Variants in GPC1 observed in about 807,000 individuals in gnomAD.
The protein encoded by GPC1 is glypican 1, also known as glypican-1.
Under a neutral mutation model 51.5 loss-of-function variants are expected in GPC1, and 26 were observed. The ratio of observed to expected loss-of-function variants is 0.50; its 90% confidence interval spans 0.37 to 0.70. The LOEUF (loss-of-function observed/expected upper bound fraction) is 0.70. Ranked by LOEUF, GPC1 falls within the 30% of genes least tolerant of loss-of-function variation. The probability of loss-of-function intolerance (pLI) is 0.00; values close to 1 mark genes in which losing one functional copy is unlikely to be tolerated. For synonymous variants in GPC1, 380 were observed against 348.3 expected, an observed-to-expected ratio of 1.09 and a Z score of -1.01; for missense variants, 775 against 800.5, an observed-to-expected ratio of 0.97 and a Z score of 0.38.
In GPC1 at chr2:240,450,091, T is replaced by C. The variant is rs2074083825; in HGVS notation, c.167-8939T>C. ...CATACTGTACTAAAATAACAATTCATTGTTTATCTGAAATTCAGATGTAAC... is the reference window on the plus strand; with the variant it reads ...CATACTGTACTAAAATAACAATTCACTGTTTATCTGAAATTCAGATGTAAC... On this transcript the variant is annotated intron_variant, in intron 1 of 8. Coordinates refer to ENST00000264039, the MANE Select transcript of GPC1 (RefSeq NM_002081.3). 1.2e-5 allele frequency: 4 copies of C among 339,254 alleles called. No individual in the cohort carries two copies. In the Admixed American group the frequency reaches 1.6e-4, roughly 14 times the overall value. 21.0% of individuals were successfully genotyped at this position (339,254 alleles called of 1,614,324 possible).
chr2:240,455,328 A>T (rs756184905), intron 1 of GPC1, among the ~76,000 whole-genome samples: 1 of 152,204 alleles, frequency 6.6e-6, no homozygotes, highest in Admixed American at 6.5e-5. Context: ...TGGGTCGGCT[A>T]CAGCAACTTC....
rs142553670 is a variant in GPC1 at position 240,441,733 on chromosome 2, C to T, written c.166+5649C>T. ...ACAGGCCTGGGCAGGTGCCCTGAGCCGCTTGAAGTCTCCTGACGGGGTGGG... is the reference window on the plus strand; with the variant it reads ...ACAGGCCTGGGCAGGTGCCCTGAGCTGCTTGAAGTCTCCTGACGGGGTGGG... On this transcript the variant is annotated intron_variant, in intron 1 of 8. Coordinates refer to ENST00000264039, the MANE Select transcript of GPC1 (RefSeq NM_002081.3). 8.6e-4 allele frequency among the ~76,000 whole-genome samples: 131 copies of T among 152,282 alleles called. 1 individual carries two copies. Among genetic ancestry groups the T allele is most frequent in the African/African-American group, 2.8e-3 (117 of 41,560 alleles).
chr2:240,439,735 C>T (rs1242415663), intron 1 of GPC1, among the ~76,000 whole-genome samples: 1 of 152,204 alleles, frequency 6.6e-6, no homozygotes, highest in East Asian at 1.9e-4. Flanking sequence ...TCGGAGGCTG[C>T]CTGGCACACA....
intron 4 of GPC1, chr2:240,464,147 T>C (rs554431481): frequency 4.6e-6 from 1 of 216,258 alleles, no homozygotes; most frequent in Admixed American, 5.1e-5. Context: ...ACAAAATGCA[T>C]GAGCTTTACT....
chr2:240,446,907 T>C (rs2074054063), intron 1 of GPC1, among the ~76,000 whole-genome samples: 1 of 152,118 alleles, frequency 6.6e-6, no homozygotes, highest in South Asian at 2.1e-4. Context: ...AGGGGAGCAG[T>C]GGAGCTGCAC....
At chr2:240,465,447 C>T in intron 7 of GPC1, 26 bp from the exon 8 acceptor site, 1 of 1,609,602 alleles carries the variant, frequency 6.2e-7, no homozygotes, top group Non-Finnish European at 8.5e-7. Flanking sequence ...GAGCAGTGAC[C>T]TGGGCTCTGC....
intron 1 of GPC1, chr2:240,452,772 C>A (rs1222709988): frequency 6.7e-6 from 1 of 149,088 alleles, no homozygotes; most frequent in Admixed American, 6.7e-5. Context: ...TGCGGGAGGA[C>A]GCTCGTCCCC....
chr2:240,465,037 C>T (rs949256501), intron 6 of GPC1, 40 bp from the exon 7 acceptor site: 28 of 1,578,358 alleles, frequency 1.8e-5, no homozygotes, highest in East Asian at 1.4e-4. Context: ...CAGAGGCGGG[C>T]GGGCCCTGGC....
rs555804305 is a variant in GPC1 at position 240,447,030 on chromosome 2, G to A, written c.166+10946G>A. On this transcript the variant is annotated intron_variant, in intron 1 of 8. Transcript: ENST00000264039. ...GTTGGGAGCCCAGCCTGGCATGGCCGAACCCCTGGCGTCTGGCACCCAGGG... is the reference window on the plus strand; with the variant it reads ...GTTGGGAGCCCAGCCTGGCATGGCCAAACCCCTGGCGTCTGGCACCCAGGG... Among the ~76,000 whole-genome samples the A allele has an allele frequency of 8.5e-5, 13 of 152,282 alleles. No individual in the cohort carries two copies. The East Asian group carries it at 9.7e-4, about 11-fold the overall frequency.
intron 2 of GPC1, among the ~76,000 whole-genome samples, chr2:240,460,565 T>C (rs1448497111): frequency 1.3e-5 from 2 of 152,122 alleles, no homozygotes; most frequent in Non-Finnish European, 2.9e-5. Context: ...GCCTGCTTCC[T>C]CCTGGCTCTT....
intron 1 of GPC1, among the ~76,000 whole-genome samples, chr2:240,445,883 G>C (rs368031971): frequency 4.1e-4 from 63 of 152,272 alleles, no homozygotes; most frequent in African/African-American, 1.4e-3. Context: ...GGCCCGTTGC[G>C]GCTCCTGTGA....
At chr2:240,459,776 C>G (rs1559201263) in intron 2 of GPC1, among the ~76,000 whole-genome samples, 1 of 152,166 alleles carries the variant, frequency 6.6e-6, no homozygotes, top group Non-Finnish European at 1.5e-5. Flanking sequence ...ACTCCTCGGC[C>G]CAGGCTGGGC....
chr2:240,441,281 A>G (rs1229781484), intron 1 of GPC1, among the ~76,000 whole-genome samples: 1 of 152,240 alleles, frequency 6.6e-6, no homozygotes, highest in African/African-American at 2.4e-5. Context: ...TGTGCATGGC[A>G]CAGGTGTCAG....
chr2:240,463,403 C>T lies in GPC1; in HGVS notation c.774C>T (p.His258=), dbSNP rs559097315. Residue 258 remains histidine, a synonymous_variant, in exon 4 of 9, where the codon CAC becomes CAT. Transcript: ENST00000264039. The part of the protein sequence containing the change: ...RAVMKLVYCA[H]CLGVPGARPC... ...TCATGAAGCTGGTCTACTGTGCTCA[C>T]TGCCTGGGAGTCCCCGGCGCCAGGC... The T allele has an allele frequency of 2.5e-6, 4 of 1,612,834 alleles. No individual in the cohort carries two copies. In the African/African-American group the frequency reaches 4.0e-5, roughly 16 times the overall value.
Position 240,467,371 on chromosome 2 carries a change from A to C in GPC1, c.*1081A>C, listed in dbSNP as rs1559205403. On this transcript the variant is annotated 3_prime_UTR_variant, in exon 9 of 9. Coordinates refer to ENST00000264039, the MANE Select transcript of GPC1 (RefSeq NM_002081.3). Reference sequence around the variant, plus strand: ...TAAGGGCTTTTCCAAACATGCATCCATTTACTGACACTTCCTGTCCTTGTT... The same window carrying C: ...TAAGGGCTTTTCCAAACATGCATCCCTTTACTGACACTTCCTGTCCTTGTT... 6.6e-6 allele frequency: 1 copy of C among 152,244 alleles called. No homozygotes were observed. The highest frequency in any genetic ancestry group is 1.5e-5 in the Non-Finnish European group (1 of 68,054). 9.4% of individuals were successfully genotyped at this position (152,244 alleles called of 1,614,324 possible). A position where few individuals can be genotyped will look rare whatever the true frequency, so the allele number is the denominator to read the frequency against.
At position 240,466,477 on chromosome 2, in the gene GPC1, T is replaced by C. The variant is rs1037679692; in HGVS notation, c.*187T>C. ...CCTCGCCTGCCTTTCTGCCTTTTAA[T>C]TTTGTATGAGGTCCTCAGGTCAGCT... On this transcript the variant is annotated 3_prime_UTR_variant, in exon 9 of 9. Coordinates refer to ENST00000264039, the MANE Select transcript of GPC1 (RefSeq NM_002081.3). 1 of 581,812 alleles carries C rather than the reference T, an allele frequency of 1.7e-6. No homozygotes were observed. The highest frequency in any genetic ancestry group is 3.1e-6 in the Non-Finnish European group (1 of 326,566). 36.0% of individuals were successfully genotyped at this position (581,812 alleles called of 1,614,324 possible). A position where few individuals can be genotyped will look rare whatever the true frequency, so the allele number is the denominator to read the frequency against.
At chr2:240,443,311 G>A (rs143679523) in intron 1 of GPC1, among the ~76,000 whole-genome samples, 245 of 152,400 alleles carry the variant, frequency 1.6e-3, no homozygotes, top group African/African-American at 5.8e-3. Flanking sequence ...ACTTTGGGCG[G>A]GGAGGCAGTG....
At chr2:240,457,015 C>G (rs1252371780) in intron 1 of GPC1, among the ~76,000 whole-genome samples, 1 of 152,208 alleles carries the variant, frequency 6.6e-6, no homozygotes, top group African/African-American at 2.4e-5. Flanking sequence ...CCAACTCCCC[C>G]TCCAGCAGGC....
intron 1 of GPC1, chr2:240,458,403 C>G (rs1328447297): frequency 4.4e-6 from 1 of 227,778 alleles, no homozygotes; most frequent in Non-Finnish European, 9.3e-6. Context: ...ACAAGGACAC[C>G]AGGAGGCACA....
Sources: gnomAD v4.1 joint callset for allele counts (sites outside exome capture counted in the v4.1 genomes callset) on GRCh38, gnomAD v4.1.1 for gene constraint, MANE v1.5 for transcripts, NCBI Gene and HGNC (gene_info 2026-07-23, HGNC 2026-07-21) for gene names.